PRKN: variants seen among roughly 807,000 people sequenced by gnomAD.
PRKN encodes the protein parkin RBR E3 ubiquitin protein ligase, also known as E3 ubiquitin-protein ligase parkin.
Under a neutral mutation model 59.5 loss-of-function variants are expected in PRKN, and 56 were observed. The observed-to-expected ratio is 0.94, with a 90% CI of 0.76 to 1.18. The LOEUF (loss-of-function observed/expected upper bound fraction) is 1.18, where lower values mean the gene tolerates loss of function less well. Ranked by LOEUF, PRKN falls within the 50% of genes most tolerant of loss-of-function variation. The probability of loss-of-function intolerance (pLI) is 0.00; values close to 1 mark genes in which losing one functional copy is unlikely to be tolerated. For synonymous variants in PRKN, 250 were observed against 222.1 expected (o/e 1.13, Z -1.12); for missense variants, 657 against 596.4 (o/e 1.10, Z -1.06).
chr6:161,865,086 C>T (rs1322130515), intron 6 of PRKN, among the ~76,000 whole-genome samples: 4 of 152,190 alleles, frequency 2.6e-5, no homozygotes, highest in African/African-American at 9.7e-5. Context: ...GTTGTGTCAG[C>T]AGGGATGAAA....
At chr6:162,588,839 C>T (rs1387857790) in intron 1 of PRKN, among the ~76,000 whole-genome samples, 1 of 152,194 alleles carries the variant, frequency 6.6e-6, no homozygotes, top group Non-Finnish European at 1.5e-5. Flanking sequence ...GCGTGAGCCA[C>T]CGCGCCCGGC....
chr6:162,505,865 T>C (rs1051516742), intron 1 of PRKN, among the ~76,000 whole-genome samples: 7 of 152,172 alleles, frequency 4.6e-5, no homozygotes, highest in African/African-American at 1.7e-4. Flanking sequence ...TTTCAGTTAG[T>C]TTTGAATATT....
At chr6:162,317,742 C>T (rs116590709) in intron 2 of PRKN, among the ~76,000 whole-genome samples, 3,789 of 151,938 alleles carry the variant, frequency 0.025, 143 homozygotes, top group African/African-American at 0.084. Flanking sequence ...GAAAAGAAGG[C>T]AAAGGATGGT....
chr6:162,112,424 C>T (rs1327760391), intron 4 of PRKN, among the ~76,000 whole-genome samples: 1 of 152,024 alleles, frequency 6.6e-6, no homozygotes, highest in African/African-American at 2.4e-5. Context: ...TATTAAAATA[C>T]CACATATTAA....
intron 1 of PRKN, among the ~76,000 whole-genome samples, chr6:162,635,131 T>C (rs1363229190): frequency 6.6e-6 from 1 of 152,192 alleles, no homozygotes; most frequent in Non-Finnish European, 1.5e-5. Context: ...CAGTCCTGGG[T>C]GCTCACAAGA....
intron 2 of PRKN, among the ~76,000 whole-genome samples, chr6:162,310,141 G>T (rs956627751): frequency 1.3e-5 from 2 of 152,128 alleles, no homozygotes; most frequent in African/African-American, 4.8e-5. Context: ...CAAAGAGAGA[G>T]TAATGAAAGA....
At chr6:162,645,379 GCAAA>G (rs1778127430) in intron 1 of PRKN, among the ~76,000 whole-genome samples, 1 of 152,114 alleles carries the variant, frequency 6.6e-6, no homozygotes, top group Non-Finnish European at 1.5e-5. Flanking sequence ...GCATCAAGAA[GCAAA>G]CAGTCACTCA....
intron 4 of PRKN, among the ~76,000 whole-genome samples, chr6:162,072,625 T>C (rs1255281936): frequency 2.6e-5 from 4 of 152,202 alleles, no homozygotes; most frequent in Admixed American, 2.6e-4. Context: ...GTAATATACA[T>C]GTAACTGTAA....
At chr6:162,540,743 G>T (rs1487027747) in intron 1 of PRKN, among the ~76,000 whole-genome samples, 2 of 150,612 alleles carry the variant, frequency 1.3e-5, no homozygotes, top group Non-Finnish European at 2.9e-5. Flanking sequence ...GGAGGCAGAG[G>T]TTGCAGTGAG....
intron 7 of PRKN, among the ~76,000 whole-genome samples, chr6:161,741,503 C>T (rs1473728263): frequency 1.3e-5 from 2 of 152,050 alleles, no homozygotes; most frequent in Non-Finnish European, 2.9e-5. Context: ...TGTCTGTGTG[C>T]CCTAGAGCAT....
At chr6:161,611,974 T>C (rs573879485) in intron 7 of PRKN, among the ~76,000 whole-genome samples, 1 of 152,232 alleles carries the variant, frequency 6.6e-6, no homozygotes, top group Non-Finnish European at 1.5e-5. Flanking sequence ...TTGAGTGTTC[T>C]GGATAGGAGA....
chr6:162,484,068 T>A (rs1263393725), intron 1 of PRKN, among the ~76,000 whole-genome samples: 1 of 152,146 alleles, frequency 6.6e-6, no homozygotes, highest in Non-Finnish European at 1.5e-5. Flanking sequence ...TGTCTATGCA[T>A]AAAGTATGTC....
At chr6:161,567,422 G>A (rs562470261) in intron 8 of PRKN, among the ~76,000 whole-genome samples, 1 of 152,146 alleles carries the variant, frequency 6.6e-6, no homozygotes, top group East Asian at 1.9e-4. Context: ...ATGTGTTTAT[G>A]TGTATATAAT....
At chr6:162,204,021 ATAC>A (rs914969598) in intron 3 of PRKN, among the ~76,000 whole-genome samples, 21 of 152,184 alleles carry the variant, frequency 1.4e-4, no homozygotes, top group African/African-American at 4.3e-4. Context: ...GTGTACACAT[ATAC>A]TACATGTATA....
intron 1 of PRKN, among the ~76,000 whole-genome samples, chr6:162,467,964 G>C (rs1038956082): frequency 6.6e-6 from 1 of 152,190 alleles, no homozygotes; most frequent in Non-Finnish European, 1.5e-5. Flanking sequence ...CCTCTAGAGA[G>C]TATCTCAAAT....
chr6:162,710,415 A>ACACACACACACACACACACACACAC (rs35854882), intron 1 of PRKN, among the ~76,000 whole-genome samples: 8 of 144,526 alleles, frequency 5.5e-5, no homozygotes, highest in Admixed American at 2.0e-4. Context: ...ACACACACAC[A>ACACACACACACACACACACACACAC]ACTGTTTGGT....
intron 2 of PRKN, among the ~76,000 whole-genome samples, chr6:162,349,923 T>G (rs1784556355): frequency 6.6e-6 from 1 of 152,160 alleles, no homozygotes; most frequent in South Asian, 2.1e-4. Flanking sequence ...AAAACTGTAT[T>G]CCTTCAAAGA....
chr6:161,694,205 C>T (rs908201034), intron 7 of PRKN, among the ~76,000 whole-genome samples: 1 of 152,040 alleles, frequency 6.6e-6, no homozygotes, highest in Non-Finnish European at 1.5e-5. Flanking sequence ...CCATAGTTTA[C>T]AGCACTGAAT....
rs1014021843 is a variant in PRKN, at chr6:162,458,568, C to T, written c.8-15095G>A. 3.0e-4 allele frequency among the ~76,000 whole-genome samples: 45 copies of T among 150,720 alleles called. 1 individual carries two copies. Among genetic ancestry groups the T allele is most frequent in the Admixed American group, 1.1e-3 (16 of 15,144 alleles). On this transcript the variant is annotated intron_variant, in intron 1 of 11. Transcript: ENST00000366898. ...ATTCCACTGTTAAATATTTCCAGTA[C>T]GTGTCTTTTCCTCCCAGAGATGGGA...
Sources: allele counts gnomAD v4.1 joint callset (sites outside exome capture counted in the v4.1 genomes callset), GRCh38; gene constraint gnomAD v4.1.1; transcripts MANE v1.5; gene names NCBI Gene and HGNC (gene_info 2026-07-23, HGNC 2026-07-21).